Variants in KCNH5 observed in about 807,000 individuals in gnomAD.
KCNH5 encodes the protein potassium voltage-gated channel subfamily H member 5.
A neutral mutation model predicts 96.1 loss-of-function variants in KCNH5; 46 were observed. That is an observed-to-expected ratio of 0.48 (90% CI 0.38 to 0.61). The LOEUF (loss-of-function observed/expected upper bound fraction) is 0.61, where lower values mean the gene tolerates loss of function less well. Among genes scored for constraint, KCNH5 ranks in the 20% least tolerant of loss-of-function variants. The pLI is 0.00. For synonymous variants in KCNH5, 439 were observed against 449.8 expected (o/e 0.98, Z 0.30); for missense variants, 907 against 1,225.8 (o/e 0.74, Z 3.88).
At chr14:62,823,107 G>C (rs1056098203) in intron 8 of KCNH5, among the ~76,000 whole-genome samples, 2 of 151,962 alleles carry the variant, frequency 1.3e-5, no homozygotes, top group Non-Finnish European at 2.9e-5. Flanking sequence ...AACATTTCCT[G>C]AAACACCCTC....
At chr14:62,724,389 C>G (rs1335292829) in intron 10 of KCNH5, among the ~76,000 whole-genome samples, 1 of 151,918 alleles carries the variant, frequency 6.6e-6, no homozygotes. Flanking sequence ...TTTGAATATA[C>G]AACAACACAA....
chr14:62,921,879 C>T (rs1349272057), intron 7 of KCNH5, among the ~76,000 whole-genome samples: 2 of 152,010 alleles, frequency 1.3e-5, no homozygotes, highest in Non-Finnish European at 2.9e-5. Context: ...CCTCTTTTGA[C>T]AGGAACAGAC....
intron 7 of KCNH5, among the ~76,000 whole-genome samples, chr14:62,917,738 C>A (rs898220017): frequency 6.6e-6 from 1 of 152,152 alleles, no homozygotes; most frequent in Non-Finnish European, 1.5e-5. Flanking sequence ...GGACATCATC[C>A]TCTTAATTCT....
At chr14:62,723,170 A>G (rs1175067676) in intron 10 of KCNH5, among the ~76,000 whole-genome samples, 1 of 152,174 alleles carries the variant, frequency 6.6e-6, no homozygotes, top group Non-Finnish European at 1.5e-5. Flanking sequence ...AATTTTCTAC[A>G]GCTTGTATTT....
At chr14:62,850,321 C>A (rs889243790) in intron 7 of KCNH5, among the ~76,000 whole-genome samples, 1 of 152,094 alleles carries the variant, frequency 6.6e-6, no homozygotes, top group African/African-American at 2.4e-5. Context: ...TTTTGGAATA[C>A]CTCCCTGGTT....
chr14:63,016,137 A>T (rs1255058287), intron 2 of KCNH5, among the ~76,000 whole-genome samples: 1 of 151,894 alleles, frequency 6.6e-6, no homozygotes, highest in African/African-American at 2.4e-5. Flanking sequence ...GCTTTAAAGA[A>T]AAATTAACTC....
intron 8 of KCNH5, among the ~76,000 whole-genome samples, chr14:62,818,109 C>CG (rs561437417): frequency 0.11 from 3,815 of 35,988 alleles, 150 homozygotes; most frequent in East Asian, 0.17. Flanking sequence ...GAGCTGGGGG[C>CG]GGGGGGGGGG....
intron 10 of KCNH5, among the ~76,000 whole-genome samples, chr14:62,713,906 A>G (rs957047339): frequency 2.6e-5 from 4 of 152,208 alleles, no homozygotes; most frequent in Non-Finnish European, 4.4e-5. Context: ...TTTATTACCA[A>G]GAAAGCTATA....
chr14:62,927,403 T>C (rs979053290), intron 7 of KCNH5, among the ~76,000 whole-genome samples: 48 of 152,234 alleles, frequency 3.2e-4, no homozygotes, highest in African/African-American at 1.1e-3. Flanking sequence ...TCCAAAAGAA[T>C]TGAAAGCAAG....
chr14:62,739,069 C>A (rs1885218377), intron 10 of KCNH5, among the ~76,000 whole-genome samples: 1 of 152,078 alleles, frequency 6.6e-6, no homozygotes. Context: ...TTTGTGGTAA[C>A]TTTACCTATA....
chr14:62,945,821 G>T (rs1375942819), intron 7 of KCNH5, among the ~76,000 whole-genome samples: 1 of 152,076 alleles, frequency 6.6e-6, no homozygotes, highest in Non-Finnish European at 1.5e-5. Flanking sequence ...GCCTAAGACT[G>T]ATGTTTTCAG....
chr14:62,848,881 A>T (rs897226500), intron 8 of KCNH5, among the ~76,000 whole-genome samples: 3 of 152,200 alleles, frequency 2.0e-5, no homozygotes, highest in African/African-American at 7.2e-5. Context: ...TATAAAGTAA[A>T]ATAGCTCAAG....
At chr14:62,917,866 C>T (rs762910687) in intron 7 of KCNH5, among the ~76,000 whole-genome samples, 18 of 152,092 alleles carry the variant, frequency 1.2e-4, no homozygotes, top group African/African-American at 3.6e-4. Context: ...AACTGGAATC[C>T]GATTACTCCA....
chr14:63,000,250 T>A (rs1566535177), intron 4 of KCNH5, among the ~76,000 whole-genome samples: 1 of 152,210 alleles, frequency 6.6e-6, no homozygotes, highest in Non-Finnish European at 1.5e-5. Flanking sequence ...GGAAAGGCGA[T>A]GTTTGTCAAA....
At chr14:63,043,105 C>T (rs987960978) in intron 1 of KCNH5, among the ~76,000 whole-genome samples, 2 of 152,064 alleles carry the variant, frequency 1.3e-5, no homozygotes, top group African/African-American at 4.8e-5. Flanking sequence ...ATGGAGGCAA[C>T]AGAAACAGAC....
intron 10 of KCNH5, among the ~76,000 whole-genome samples, chr14:62,761,311 C>T (rs936058928): frequency 6.7e-6 from 1 of 150,228 alleles, no homozygotes; most frequent in Non-Finnish European, 1.5e-5. Context: ...GCCAAGATCA[C>T]GCCACTGCAC....
chr14:62,817,080 A>C (rs1886995107), intron 8 of KCNH5, among the ~76,000 whole-genome samples: 1 of 138,594 alleles, frequency 7.2e-6, no homozygotes, highest in Non-Finnish European at 1.5e-5. Context: ...GTATCTATAT[A>C]TATATTATAT....
chr14:62,970,213 C>G (rs1396484889), intron 6 of KCNH5, among the ~76,000 whole-genome samples: 1 of 151,974 alleles, frequency 6.6e-6, no homozygotes, highest in Non-Finnish European at 1.5e-5. Context: ...ATGAACAACT[C>G]TGCCCACAGA....
At chr14:62,914,172 T>G (rs1339860460) in intron 7 of KCNH5, among the ~76,000 whole-genome samples, 4 of 152,222 alleles carry the variant, frequency 2.6e-5, no homozygotes, top group African/African-American at 9.6e-5. Context: ...CCATATGCCT[T>G]CCACAAAAAT....
Sources: gnomAD v4.1 joint callset for allele counts (sites outside exome capture counted in the v4.1 genomes callset) on GRCh38, gnomAD v4.1.1 for gene constraint, MANE v1.5 for transcripts, NCBI Gene and HGNC (gene_info 2026-07-23, HGNC 2026-07-21) for gene names.